The following HDAC9 variants were observed in gnomAD, a reference collection of about 807,000 sequenced individuals.
HDAC9 encodes MEF-2 interacting transcription repressor (MITR) protein.
Under a neutral mutation model 139.4 loss-of-function variants are expected in HDAC9, and 41 were observed. That is an observed-to-expected ratio of 0.29 (90% CI 0.23 to 0.38). HDAC9 has a LOEUF of 0.38. Ranked by LOEUF, HDAC9 falls within the 10% of genes least tolerant of loss-of-function variation. The pLI is 1.00. For missense variants in HDAC9, 1,147 were observed against 1,297.0 expected (o/e 0.88, Z 1.78); for synonymous variants, 517 against 476.2 (o/e 1.09, Z -1.12).
Position 18,165,407 on chromosome 7 carries a change from A to G in HDAC9, c.25+3058A>G, listed in dbSNP as rs995739182. ...GAGACTATAAACACAAAAACACATC[A>G]TAAAGTCTTATCTCAAGTAAATGTT... On this transcript the variant is annotated intron_variant, in intron 2 of 12. Transcript: ENST00000417496. Among the ~76,000 whole-genome samples the G allele has an allele frequency of 2.0e-5, 3 of 152,164 alleles. 1 individual carries two copies. The highest frequency in any genetic ancestry group is 7.2e-5 in the African/African-American group (3 of 41,450).
intron 1 of HDAC9, among the ~76,000 whole-genome samples, chr7:18,317,323 G>T (rs1218997038): frequency 6.6e-6 from 1 of 152,012 alleles, no homozygotes. Flanking sequence ...CTAGCAGCCA[G>T]ATTTTCTTGA....
intron 2 of HDAC9, among the ~76,000 whole-genome samples, chr7:18,204,328 C>T (rs1322329312): frequency 2.2e-5 from 3 of 137,660 alleles, no homozygotes; most frequent in Non-Finnish European, 3.1e-5. Context: ...CTATTTGAAT[C>T]TGCCTTTTTT....
chr7:18,128,693 A>C (rs1192235524), intron 1 of HDAC9, among the ~76,000 whole-genome samples: 1 of 151,858 alleles, frequency 6.6e-6, no homozygotes, highest in Non-Finnish European at 1.5e-5. Context: ...AGATGTATTC[A>C]AAAAATTGAA....
intron 1 of HDAC9, among the ~76,000 whole-genome samples, chr7:18,441,839 C>G (rs993928234): frequency 1.4e-4 from 22 of 152,318 alleles, no homozygotes; most frequent in African/African-American, 5.3e-4. Context: ...GCCATCACAG[C>G]TCACTGCAAG....
intron 1 of HDAC9, among the ~76,000 whole-genome samples, chr7:18,479,292 G>A (rs534880391): frequency 1.3e-5 from 2 of 152,234 alleles, no homozygotes; most frequent in South Asian, 4.2e-4. Flanking sequence ...CTGAGTGGGA[G>A]TGTACATGTA....
chr7:18,724,387 G>A (rs1178906280), intron 12 of HDAC9, among the ~76,000 whole-genome samples: 1 of 152,072 alleles, frequency 6.6e-6, no homozygotes, highest in Non-Finnish European at 1.5e-5. Flanking sequence ...GGCAATTTGT[G>A]TATATAAACA....
At chr7:18,553,531 T>C (rs891821483) in intron 2 of HDAC9, among the ~76,000 whole-genome samples, 1 of 152,216 alleles carries the variant, frequency 6.6e-6, no homozygotes, top group Admixed American at 6.5e-5. Context: ...TGTGAACTTA[T>C]CATTTTATTC....
chr7:18,646,058 A>T (rs933139130), intron 9 of HDAC9, among the ~76,000 whole-genome samples: 1 of 152,204 alleles, frequency 6.6e-6, no homozygotes, highest in African/African-American at 2.4e-5. Context: ...TTGTAAATGA[A>T]AAACAAAAAA....
At chr7:18,761,991 A>G (rs1475401859) in intron 14 of HDAC9, among the ~76,000 whole-genome samples, 166 bp from the exon 15 acceptor site, 1 of 152,068 alleles carries the variant, frequency 6.6e-6, no homozygotes. Flanking sequence ...CCTTCCATAC[A>G]CTCATTTTTC....
At chr7:18,413,279 G>A (rs1024518666) in intron 1 of HDAC9, among the ~76,000 whole-genome samples, 17 of 152,172 alleles carry the variant, frequency 1.1e-4, no homozygotes, top group Admixed American at 1.3e-4. Flanking sequence ...TGAGGAAAGA[G>A]TATGTGATAA....
In HDAC9 at chr7:18,991,434, A is replaced by G. The variant is rs4721736; in HGVS notation, c.3171-4589A>G. 2.4e-4 allele frequency among the ~76,000 whole-genome samples: 37 copies of G among 152,190 alleles called. 1 individual carries two copies. The highest frequency in any genetic ancestry group is 4.3e-4 in the Non-Finnish European group (29 of 67,994). On this transcript the variant is annotated intron_variant, in intron 25 of 25. Coordinates refer to ENST00000686413, the MANE Select transcript of HDAC9 (RefSeq NM_178425.4). The stretch of plus-strand genomic sequence containing the variant: ...GGCGGGCAGATCACGAGGTCAGATC[A>G]AGACCATCCTGGCTAACACGGTGAA...
intron 1 of HDAC9, among the ~76,000 whole-genome samples, chr7:18,441,018 G>T (rs1791705479): frequency 6.6e-6 from 1 of 152,176 alleles, no homozygotes; most frequent in African/African-American, 2.4e-5. Context: ...ATTTATCACT[G>T]TGTGCTCTTG....
At chr7:18,307,485 T>C (rs760843264) in intron 1 of HDAC9, among the ~76,000 whole-genome samples, 1 of 152,172 alleles carries the variant, frequency 6.6e-6, no homozygotes, top group Non-Finnish European at 1.5e-5. Flanking sequence ...TCTTAGATTC[T>C]AAAACTAGTT....
At chr7:18,253,387 C>G (rs951889133) in intron 2 of HDAC9, among the ~76,000 whole-genome samples, 1 of 152,134 alleles carries the variant, frequency 6.6e-6, no homozygotes, top group Non-Finnish European at 1.5e-5. Flanking sequence ...TTAAGCATTC[C>G]TTTTTCTCCA....
intron 1 of HDAC9, among the ~76,000 whole-genome samples, chr7:18,131,599 A>AT (rs1785016501): frequency 6.6e-6 from 1 of 152,156 alleles, no homozygotes; most frequent in African/African-American, 2.4e-5. Flanking sequence ...TGTAGAGGGC[A>AT]TTTTTTGAAG....
At chr7:18,594,184 A>G (rs3213615) in intron 6 of HDAC9, among the ~76,000 whole-genome samples, 155 bp downstream of exon 6, 39,742 of 151,950 alleles carry the variant, frequency 0.26, 5,678 homozygotes, top group Admixed American at 0.35. Flanking sequence ...GCACACACAT[A>G]CCCTACTTAT....
intron 1 of HDAC9, among the ~76,000 whole-genome samples, chr7:18,468,909 G>T (rs1794511778): frequency 6.6e-6 from 1 of 152,146 alleles, no homozygotes; most frequent in Non-Finnish European, 1.5e-5. Context: ...CAATTTAAAA[G>T]ATAAATCTCT....
chr7:18,356,366 T>TG (rs1290520708), intron 1 of HDAC9, among the ~76,000 whole-genome samples: 3 of 141,704 alleles, frequency 2.1e-5, no homozygotes, highest in Non-Finnish European at 3.1e-5. Context: ...AGGTTTTTTT[T>TG]TTTTTTTTTT....
intron 6 of HDAC9, among the ~76,000 whole-genome samples, chr7:18,600,496 A>G (rs1163682836): frequency 1.3e-5 from 2 of 152,180 alleles, no homozygotes; most frequent in South Asian, 2.1e-4. Flanking sequence ...ATTGTTTTCC[A>G]TATCGGTGTC....
Sources: allele counts gnomAD v4.1 joint callset (sites outside exome capture counted in the v4.1 genomes callset), GRCh38; gene constraint gnomAD v4.1.1; transcripts MANE v1.5; gene names NCBI Gene and HGNC (gene_info 2026-07-23, HGNC 2026-07-21).